Variants in ZZEF1 observed in about 807,000 individuals in gnomAD.
ZZEF1 encodes zinc finger ZZ-type and EF-hand domain containing 1, also known as zinc finger ZZ-type and EF-hand domain-containing protein 1.
ZZEF1 carries 157 observed loss-of-function variants against 342.8 expected under a neutral mutation model. The ratio of observed to expected loss-of-function variants is 0.46; its 90% CI spans 0.40 to 0.52. ZZEF1 has a LOEUF of 0.52. Among genes scored for constraint, ZZEF1 ranks in the 20% least tolerant of loss-of-function variants. The pLI, the probability that ZZEF1 is intolerant of heterozygous loss-of-function variation, is 0.00. For synonymous variants in ZZEF1, 1,505 were observed against 1,429.1 expected (o/e 1.05, Z -1.20); for missense variants, 3,480 against 3,725.6 (o/e 0.93, Z 1.72).
chr17:4,055,583 AG>A (rs1166454420), intron 33 of ZZEF1, among the ~76,000 whole-genome samples: 3 of 152,196 alleles, frequency 2.0e-5, no homozygotes, highest in African/African-American at 7.2e-5. Flanking sequence ...GCTTGTCTAC[AG>A]GAAGAGAATG....
At chr17:4,105,841 A>G (rs778788519) in intron 6 of ZZEF1, 32 bp from the exon 7 acceptor site, 1 of 1,541,354 alleles carries the variant, frequency 6.5e-7, no homozygotes, top group South Asian at 1.2e-5. Context: ...TGTAATCAGA[A>G]CAAAACCAGA....
chr17:4,078,219 C>T lies in ZZEF1; in HGVS notation c.2830-177G>A, dbSNP rs199977597. ...AGAAAGATGGTATTACGAAAACTCC[C>T]CTTTCCCTCCAGCTTTTTGGAACCT... is the stretch of plus-strand genomic sequence containing the variant. On this transcript the variant is annotated intron_variant, in intron 18 of 54. Coordinates refer to ENST00000381638, the MANE Select transcript of ZZEF1 (RefSeq NM_015113.4). Among the ~76,000 whole-genome samples the T allele has an allele frequency of 9.2e-5, 14 of 152,302 alleles. No individual in the cohort carries two copies. In the East Asian group the frequency reaches 2.5e-3, roughly 27 times the overall value.
intron 5 of ZZEF1, 100 bp from the exon 6 acceptor site, chr17:4,109,963 A>G: frequency 9.1e-7 from 1 of 1,096,366 alleles, no homozygotes; most frequent in Non-Finnish European, 1.3e-6. Flanking sequence ...TTTTGAAAAG[A>G]AAATTCTGAA....
intron 12 of ZZEF1, among the ~76,000 whole-genome samples, 164 bp downstream of exon 12, chr17:4,090,555 G>A (rs73318771): frequency 3.9e-5 from 6 of 152,178 alleles, no homozygotes; most frequent in South Asian, 2.1e-4. Context: ...ATCACAGCTC[G>A]TATCACACTG....
chr17:4,064,840 ACAAGAATCATAATTG>A lies in ZZEF1; in HGVS notation c.4250-26_4250-12del. The A allele has an allele frequency of 6.5e-7, 1 of 1,531,324 alleles. No individual in the cohort carries two copies. The highest frequency in any genetic ancestry group is 2.0e-5 in the Admixed American group (1 of 48,960). 94.9% of individuals were successfully genotyped at this position (1,531,324 alleles called of 1,614,324 possible). On this transcript the variant is annotated splice_polypyrimidine_tract_variant and intron_variant, in intron 28 of 54. Coordinates refer to ENST00000381638, the MANE Select transcript of ZZEF1 (RefSeq NM_015113.4). ...CAATGCACTCTTTTGCTAGATGCAA[ACAAGAATCATAATTG>A]AAAAAAAAAAAAGTTAAAATTATGG...
chr17:4,074,110 C>T (rs762985179), intron 24 of ZZEF1, 40 bp downstream of exon 24: 9 of 1,606,040 alleles, frequency 5.6e-6, no homozygotes, highest in Admixed American at 1.7e-5. Context: ...TGCACTTCAC[C>T]GTGGTTGTAA....
At chr17:4,123,310 T>TATAC (rs56657404) in intron 2 of ZZEF1, among the ~76,000 whole-genome samples, 1 of 104,912 alleles carries the variant, frequency 9.5e-6, no homozygotes. Context: ...TATATATATA[T>TATAC]CAGAAAAATA....
chr17:4,067,177 T>C lies in ZZEF1; in HGVS notation c.4141A>G (p.Ile1381Val). 1 of 1,612,722 alleles carries C rather than the reference T, an allele frequency of 6.2e-7. No homozygotes were observed. Among genetic ancestry groups the C allele is most frequent in the Non-Finnish European group, 8.5e-7 (1 of 1,179,420 alleles). Reference protein sequence around the residue: ...FAQVYSLADGIRIWMLEMKQK... With the variant: ...FAQVYSLADGVRIWMLEMKQK... ...GAAAATCTTACCATCCATATTCGAATCCCATCTGCCAAGGAATAAACCTGG... is the reference window on the plus strand; with the variant it reads ...GAAAATCTTACCATCCATATTCGAACCCCATCTGCCAAGGAATAAACCTGG... The change falls in exon 27 of 55, where the codon ATT becomes GTT. Residue 1381 changes from isoleucine to valine, a missense_variant. Physicochemically the swap from Ile to Val is conservative, Grantham distance 29 (BLOSUM62 3). This residue lies in a region of ZZEF1 where 1,528 missense variants were observed against 1,624.1 expected (regional missense o/e 0.94). Transcript: ENST00000381638.
intron 54 of ZZEF1, among the ~76,000 whole-genome samples, chr17:4,007,413 G>A (rs1265949359): frequency 6.6e-6 from 1 of 152,258 alleles, no homozygotes; most frequent in African/African-American, 2.4e-5. Flanking sequence ...TGGGCAGCAA[G>A]AGGGTGGAGG....
chr17:4,120,041 A>G lies in ZZEF1; in HGVS notation c.500-2875T>C, dbSNP rs148706617. Among the ~76,000 whole-genome samples the G allele has an allele frequency of 8.9e-4, 135 of 152,280 alleles. 1 individual carries two copies. The highest frequency in any genetic ancestry group is 3.0e-3 in the African/African-American group (124 of 41,560). On this transcript the variant is annotated intron_variant, in intron 2 of 54. Coordinates refer to ENST00000381638, the MANE Select transcript of ZZEF1 (RefSeq NM_015113.4). ...AACTCCCAAAACTACAAAACCAACTAAAGGAATCCATCCTTAAAATTCTGT... is the reference window on the plus strand; with the variant it reads ...AACTCCCAAAACTACAAAACCAACTGAAGGAATCCATCCTTAAAATTCTGT...
At chr17:4,040,681 T>A (rs940982920) in intron 39 of ZZEF1, among the ~76,000 whole-genome samples, 1 of 151,888 alleles carries the variant, frequency 6.6e-6, no homozygotes, top group Non-Finnish European at 1.5e-5. Context: ...GAAAATAACT[T>A]AGGAAGGGGC....
At chr17:4,092,338 G>A (rs905651785) in intron 11 of ZZEF1, among the ~76,000 whole-genome samples, 3 of 127,262 alleles carry the variant, frequency 2.4e-5, no homozygotes, top group African/African-American at 6.0e-5. Context: ...TTGCTCTGTC[G>A]CCCAGGCTGC....
At chr17:4,072,036 GAA>G (rs1055663171) in intron 25 of ZZEF1, among the ~76,000 whole-genome samples, 3 of 152,142 alleles carry the variant, frequency 2.0e-5, no homozygotes, top group African/African-American at 7.2e-5. Context: ...TGGATCCAAA[GAA>G]GAGAGGGTCT....
rs775940417 is a variant in ZZEF1, at chr17:4,096,708, A to G, written c.1673-8T>C. 1.2e-6 allele frequency: 2 copies of G among 1,613,266 alleles called. No homozygotes were observed. The highest frequency in any genetic ancestry group is 1.1e-5 in the South Asian group (1 of 91,010). On this transcript the variant is annotated splice_polypyrimidine_tract_variant and splice_region_variant and intron_variant, in intron 9 of 54. Coordinates refer to ENST00000381638, the MANE Select transcript of ZZEF1 (RefSeq NM_015113.4). The stretch of plus-strand genomic sequence containing the variant: ...CAGTTTCCGTAAGAAAACCTGAAAA[A>G]AGGGAAAACTCAAGTTAGGGAACTA...
chr17:4,105,122 A>C (rs1172294291), intron 7 of ZZEF1, among the ~76,000 whole-genome samples: 4 of 152,222 alleles, frequency 2.6e-5, no homozygotes, highest in Non-Finnish European at 5.9e-5. Flanking sequence ...CAGAGAGTTG[A>C]GGGTTTATGC....
At chr17:4,044,082 C>T in intron 38 of ZZEF1, 142 bp downstream of exon 38, 1 of 811,474 alleles carries the variant, frequency 1.2e-6, no homozygotes, top group Non-Finnish European at 2.0e-6. Context: ...GAGGTGTCAT[C>T]AGCACCATCT....
chr17:4,056,067 G>T (rs1346691937), intron 33 of ZZEF1, 149 bp downstream of exon 33: 1 of 717,582 alleles, frequency 1.4e-6, no homozygotes, highest in South Asian at 4.0e-5. Context: ...GCATTCGGTC[G>T]CATTCAGCGG....
intron 32 of ZZEF1, 102 bp downstream of exon 32, chr17:4,057,892 A>G: frequency 8.1e-7 from 1 of 1,239,666 alleles, no homozygotes; most frequent in Non-Finnish European, 1.1e-6. Flanking sequence ...GATATGACAC[A>G]GACAGTCTAG....
intron 2 of ZZEF1, among the ~76,000 whole-genome samples, chr17:4,117,891 A>AC (rs2058424095): frequency 6.6e-6 from 1 of 152,146 alleles, no homozygotes; most frequent in Admixed American, 6.5e-5. Context: ...TGACAATACA[A>AC]CCACTGCCAT....
Sources: allele counts gnomAD v4.1 joint callset (sites outside exome capture counted in the v4.1 genomes callset), GRCh38; gene constraint gnomAD v4.1.1; regional missense constraint gnomAD v4.1.1; transcripts MANE v1.5; gene names NCBI Gene and HGNC (gene_info 2026-07-23, HGNC 2026-07-21).